SLC44A5: variants seen among roughly 807,000 people sequenced by gnomAD.
SLC44A5 encodes the protein choline transporter-like protein 5.
In SLC44A5, 57 loss-of-function variants were observed where a neutral mutation model predicts 101.8. The observed-to-expected ratio is 0.56, with a 90% confidence interval of 0.45 to 0.70. The LOEUF (loss-of-function observed/expected upper bound fraction) is 0.70. Among genes scored for constraint, SLC44A5 ranks in the 30% least tolerant of loss-of-function variants. The pLI, the probability that SLC44A5 is intolerant of heterozygous loss-of-function variation, is 0.00. For missense variants in SLC44A5, 737 were observed against 853.1 expected, an observed-to-expected ratio of 0.86 and a Z score of 1.70; for synonymous variants, 281 against 290.9, an observed-to-expected ratio of 0.97 and a Z score of 0.35.
At chr1:75,448,263 G>A (rs563451881) in intron 2 of SLC44A5, among the ~76,000 whole-genome samples, 2 of 152,292 alleles carry the variant, frequency 1.3e-5, no homozygotes, top group South Asian at 4.1e-4. Flanking sequence ...TGTCTATCTT[G>A]TCCTAATGTT....
intron 2 of SLC44A5, among the ~76,000 whole-genome samples, chr1:75,507,244 G>A (rs1490886810): frequency 6.6e-6 from 1 of 152,044 alleles, no homozygotes; most frequent in Non-Finnish European, 1.5e-5. Context: ...TTTGTTGAGA[G>A]TTTTTATCGT....
At chr1:75,538,391 A>G (rs1287598993) in intron 2 of SLC44A5, among the ~76,000 whole-genome samples, 1 of 152,218 alleles carries the variant, frequency 6.6e-6, no homozygotes, top group Non-Finnish European at 1.5e-5. Flanking sequence ...AAATGTAGAT[A>G]TAGATGCAGA....
chr1:75,666,233 T>C, the SLC44A5 span, among the ~76,000 whole-genome samples: 3 of 152,094 alleles, frequency 2.0e-5, no homozygotes, highest in Non-Finnish European at 4.4e-5. Context: ...TGCCCATCCA[T>C]GGTGGATTGC....
intron 2 of SLC44A5, among the ~76,000 whole-genome samples, chr1:75,475,308 G>A (rs1413144500): frequency 6.6e-6 from 1 of 152,160 alleles, no homozygotes; most frequent in Non-Finnish European, 1.5e-5. Flanking sequence ...TCGAAAGAAG[G>A]AAAGGAATGA....
chr1:75,668,384 C>T, the SLC44A5 span, among the ~76,000 whole-genome samples: 113 of 121,100 alleles, frequency 9.3e-4, no homozygotes, highest in Middle Eastern at 8.3e-3. Context: ...AGTGCAGTGG[C>T]ATAATCACGG....
chr1:75,444,646 T>C (rs113545315), intron 2 of SLC44A5, among the ~76,000 whole-genome samples: 5 of 150,910 alleles, frequency 3.3e-5, no homozygotes, highest in African/African-American at 1.2e-4. Flanking sequence ...ACAAGCAACA[T>C]GGTAGTGATA....
chr1:75,475,065 G>T (rs1030694090), intron 2 of SLC44A5, among the ~76,000 whole-genome samples: 4 of 152,234 alleles, frequency 2.6e-5, no homozygotes, highest in African/African-American at 4.8e-5. Flanking sequence ...GAAATGAGGA[G>T]CCTGAATTCC....
In SLC44A5 at chr1:75,537,034, ATAT is replaced by A. The variant is rs146308327; in HGVS notation, c.13+4398_13+4400del. Among the ~76,000 whole-genome samples the A allele has an allele frequency of 1.5e-3, 28 of 18,660 alleles. 1 individual carries two copies. Among genetic ancestry groups the A allele is most frequent in the East Asian group, 0.011 (1 of 94 alleles). The allele number at this position is 18,660 out of a possible 152,430, so 12.2% of individuals were successfully genotyped here. A position where few individuals can be genotyped will look rare whatever the true frequency, so the allele number is the denominator to read the frequency against. ...AAAAAAAAAAAAAAAAAAAAAAAAA[ATAT>A]ATATCTATGCCAAATGATTCTGAAT... On this transcript the variant is annotated intron_variant, in intron 2 of 23. Transcript: ENST00000370859.
At chr1:75,590,010 C>T (rs1674255766) in intron 1 of SLC44A5, among the ~76,000 whole-genome samples, 1 of 152,050 alleles carries the variant, frequency 6.6e-6, no homozygotes, top group Non-Finnish European at 1.5e-5. Flanking sequence ...ACTCCACAAC[C>T]TGTAGGCAAG....
chr1:75,516,464 C>T (rs552353515), intron 2 of SLC44A5, among the ~76,000 whole-genome samples: 1 of 152,034 alleles, frequency 6.6e-6, no homozygotes, highest in African/African-American at 2.4e-5. Context: ...TTGCAGTGAG[C>T]GGAGATCGCA....
chr1:75,396,356 C>T (rs1662120904), intron 3 of SLC44A5, among the ~76,000 whole-genome samples: 1 of 152,066 alleles, frequency 6.6e-6, no homozygotes, highest in Non-Finnish European at 1.5e-5. Flanking sequence ...TCAGTAGCTG[C>T]ATGATGTTTT....
chr1:75,637,165 T>C, the SLC44A5 span, among the ~76,000 whole-genome samples: 3 of 152,022 alleles, frequency 2.0e-5, no homozygotes, highest in African/African-American at 7.2e-5. Context: ...CCTCAGTATA[T>C]ATTCAAAATA....
Position 75,224,906 on chromosome 1 carries a change from T to A in SLC44A5, c.986-2446A>T, listed in dbSNP as rs75714033. 7.6e-3 allele frequency among the ~76,000 whole-genome samples: 1,163 copies of A among 152,130 alleles called. 10 individuals are homozygous for A. Among genetic ancestry groups the A allele is most frequent in the Middle Eastern group, 0.044 (13 of 294 alleles). ...TTAAAGCTAAATGTTATTATAAAAGTCAAAAAGTTAAAAAAATTAAAAATT... is the reference window on the plus strand; with the variant it reads ...TTAAAGCTAAATGTTATTATAAAAGACAAAAAGTTAAAAAAATTAAAAATT... On this transcript the variant is annotated intron_variant, in intron 13 of 23. Coordinates refer to ENST00000370859, the MANE Select transcript of SLC44A5 (RefSeq NM_001130058.2).
intron 1 of SLC44A5, among the ~76,000 whole-genome samples, chr1:75,584,000 G>A (rs981824658): frequency 4.6e-5 from 7 of 152,174 alleles, no homozygotes; most frequent in African/African-American, 4.8e-5. Flanking sequence ...CAAGCTTTGA[G>A]GTCTCAAATT....
At chr1:75,692,086 T>C in the SLC44A5 span, among the ~76,000 whole-genome samples, 3 of 151,316 alleles carry the variant, frequency 2.0e-5, no homozygotes, top group Non-Finnish European at 4.4e-5. Flanking sequence ...ATCCTGCTAA[T>C]GGGAATGATC....
intron 1 of SLC44A5, among the ~76,000 whole-genome samples, chr1:75,555,258 G>T (rs576328767): frequency 3.9e-4 from 59 of 152,204 alleles, no homozygotes; most frequent in Admixed American, 1.2e-3. Context: ...ATCAGTGGTT[G>T]CCTGAAAAAC....
At chr1:75,218,439 C>G (rs756961911) in intron 17 of SLC44A5, 51 bp downstream of exon 17, 5 of 1,595,044 alleles carry the variant, frequency 3.1e-6, no homozygotes, top group Non-Finnish European at 4.3e-6. Context: ...GAATTACAAG[C>G]ACACTAAATG....
chr1:75,335,395 C>A (rs1657366583), intron 4 of SLC44A5, among the ~76,000 whole-genome samples: 2 of 152,040 alleles, frequency 1.3e-5, no homozygotes, highest in African/African-American at 4.8e-5. Context: ...TTGCCCTGAC[C>A]AGTTCATTCC....
intron 3 of SLC44A5, among the ~76,000 whole-genome samples, chr1:75,394,452 C>T (rs17096806): frequency 0.031 from 4,749 of 151,890 alleles, 249 homozygotes; most frequent in African/African-American, 0.11. Context: ...AAATTTCAGG[C>T]GGCTGTATTA....
Sources: gnomAD v4.1 joint callset for allele counts (sites outside exome capture counted in the v4.1 genomes callset) on GRCh38, gnomAD v4.1.1 for gene constraint, MANE v1.5 for transcripts, NCBI Gene and HGNC (gene_info 2026-07-23, HGNC 2026-07-21) for gene names.